The following MYRIP variants were observed in gnomAD, a reference collection of about 807,000 sequenced individuals.
MYRIP encodes the protein rab effector MyRIP.
MYRIP carries 49 observed loss-of-function variants against 98.0 expected under a neutral mutation model. The observed-to-expected ratio is 0.50, with a 90% confidence interval of 0.40 to 0.63. MYRIP has a LOEUF of 0.63. MYRIP is among the 30% of genes least tolerant of loss of function. MYRIP has a pLI of 0.00. For synonymous variants in MYRIP, 404 were observed against 409.5 expected (o/e 0.99, Z 0.16); for missense variants, 1,004 against 1,058.2 (o/e 0.95, Z 0.71).
intron 2 of MYRIP, among the ~76,000 whole-genome samples, chr3:39,912,162 C>T (rs1165483353): frequency 6.6e-6 from 1 of 152,148 alleles, no homozygotes; most frequent in Non-Finnish European, 1.5e-5. Context: ...GTCAGCTTCT[C>T]CTCTATCGGT....
intron 3 of MYRIP, among the ~76,000 whole-genome samples, chr3:40,045,563 G>A (rs968344292): frequency 6.6e-6 from 1 of 152,178 alleles, no homozygotes; most frequent in African/African-American, 2.4e-5. Flanking sequence ...AGTCAAGGTG[G>A]GGTAAGCCAA....
At chr3:39,971,929 T>C (rs1282591597) in intron 2 of MYRIP, among the ~76,000 whole-genome samples, 1 of 152,076 alleles carries the variant, frequency 6.6e-6, no homozygotes, top group Non-Finnish European at 1.5e-5. Context: ...TTCTAATATA[T>C]GTACTATTTC....
Position 40,131,046 on chromosome 3 carries a change from C to G in MYRIP, c.333-20002C>G, listed in dbSNP as rs533190179. ...AAATATGCCTGTATTGAACTAAACTCCATAAAGATGGATGGTCCATACAAA... is the reference window on the plus strand; with the variant it reads ...AAATATGCCTGTATTGAACTAAACTGCATAAAGATGGATGGTCCATACAAA... On this transcript the variant is annotated intron_variant, in intron 3 of 16. Transcript: ENST00000302541. Among the ~76,000 whole-genome samples the G allele has an allele frequency of 1.0e-3, 158 of 152,248 alleles. 1 individual carries two copies. The highest frequency in any genetic ancestry group is 1.8e-3 in the Non-Finnish European group (121 of 68,020).
Position 40,162,810 on chromosome 3 carries a change from G to A in MYRIP, c.550G>A (p.Gly184Arg), listed in dbSNP as rs151294099. The A allele has an allele frequency of 2.5e-6, 4 of 1,613,512 alleles. No homozygotes were observed. Among genetic ancestry groups the A allele is most frequent in the Non-Finnish European group, 2.5e-6 (3 of 1,179,624 alleles). The stretch of plus-strand genomic sequence containing the variant: ...TTCAACATTTTATAGGCAGTCAGAA[G>A]GTAAAGTTGCTTAAGAGTTTACAGC... ...SDSTFYRQSE[G>R]HSVMDTLAVA... is the part of the protein sequence containing the mutation. The change falls in exon 5 of 17, where the codon GGA becomes AGA. Residue 184 changes from glycine to arginine, a missense_variant and splice_region_variant. Transcript: ENST00000302541.
Position 39,872,119 on chromosome 3 carries a change from T to C in MYRIP, c.-30-28668T>C, listed in dbSNP as rs193175591. 4.6e-5 allele frequency among the ~76,000 whole-genome samples: 7 copies of C among 152,186 alleles called. No individual in the cohort carries two copies. In the East Asian group the frequency reaches 1.2e-3, roughly 25 times the overall value. On this transcript the variant is annotated intron_variant, in intron 1 of 16. Coordinates refer to ENST00000302541, the MANE Select transcript of MYRIP (RefSeq NM_015460.4). ...CTTTATTTTTAGAAATCATATTATT[T>C]TTCATTTGCTTTTTTCTCCTAATGT...
intron 3 of MYRIP, among the ~76,000 whole-genome samples, chr3:40,111,697 G>T (rs1034053619): frequency 6.6e-6 from 1 of 151,964 alleles, no homozygotes; most frequent in Admixed American, 6.6e-5. Context: ...CGATAAGATG[G>T]TTCAGCTTTT....
At chr3:39,951,042 A>G (rs1945001666) in intron 2 of MYRIP, among the ~76,000 whole-genome samples, 1 of 152,206 alleles carries the variant, frequency 6.6e-6, no homozygotes, top group African/African-American at 2.4e-5. Context: ...ACTCTGACTG[A>G]GAAACAGTGG....
At chr3:39,973,561 A>G (rs554730582) in intron 2 of MYRIP, among the ~76,000 whole-genome samples, 38 of 152,326 alleles carry the variant, frequency 2.5e-4, no homozygotes, top group African/African-American at 8.4e-4. Context: ...CCTAGTAGAC[A>G]TCTACAGAAC....
chr3:39,849,891 C>T (rs765852231), intron 1 of MYRIP, among the ~76,000 whole-genome samples: 24 of 152,122 alleles, frequency 1.6e-4, no homozygotes, highest in Admixed American at 1.3e-4. Context: ...GCTACCTGTT[C>T]CTAAAATGTC....
At chr3:40,080,948 G>A (rs1039700236) in intron 3 of MYRIP, among the ~76,000 whole-genome samples, 2 of 151,584 alleles carry the variant, frequency 1.3e-5, no homozygotes, top group African/African-American at 2.4e-5. Context: ...GTAACTAGAT[G>A]TAGTCTTTTT....
In MYRIP at chr3:39,912,804, CT is replaced by C. The variant is rs1944054064; in HGVS notation, c.110+11879del. On this transcript the variant is annotated intron_variant, in intron 2 of 16. Coordinates refer to ENST00000302541, the MANE Select transcript of MYRIP (RefSeq NM_015460.4). ...CCTGTAATCCCAGCACTTTGAGAGG[CT>C]GAGGCAGGCAGATCACCTGAGGTCA... 2.6e-5 allele frequency among the ~76,000 whole-genome samples: 4 copies of C among 152,334 alleles called. No individual in the cohort carries two copies. In the South Asian group the frequency reaches 8.3e-4, roughly 32 times the overall value.
At chr3:40,185,441 A>G (rs541609348) in intron 9 of MYRIP, among the ~76,000 whole-genome samples, 1 of 152,254 alleles carries the variant, frequency 6.6e-6, no homozygotes, top group South Asian at 2.1e-4. Flanking sequence ...ATAATGGAAG[A>G]GCAGGAATTT....
At chr3:40,112,345 C>T (rs1175667923) in intron 3 of MYRIP, among the ~76,000 whole-genome samples, 5 of 152,090 alleles carry the variant, frequency 3.3e-5, no homozygotes, top group Admixed American at 6.5e-5. Context: ...TAAGCACACA[C>T]GTTGGCCCTA....
At chr3:40,182,687 C>G (rs1950916077) in intron 9 of MYRIP, among the ~76,000 whole-genome samples, 1 of 152,206 alleles carries the variant, frequency 6.6e-6, no homozygotes, top group Non-Finnish European at 1.5e-5. Context: ...CATCACTCCA[C>G]TGCACACCCC....
chr3:39,885,925 G>C (rs7642898), intron 1 of MYRIP, among the ~76,000 whole-genome samples: 24,483 of 150,784 alleles, frequency 0.16, 3,776 homozygotes, highest in African/African-American at 0.4. Context: ...TTTTCAACTT[G>C]TTTGCCTTTG....
At chr3:39,824,815 A>T (rs1043484017) in intron 1 of MYRIP, among the ~76,000 whole-genome samples, 11 of 152,040 alleles carry the variant, frequency 7.2e-5, no homozygotes, top group Non-Finnish European at 1.6e-4. Flanking sequence ...TCCTGGGCTT[A>T]AGTGGTCTTC....
chr3:39,818,703 A>G (rs988929952), intron 1 of MYRIP, among the ~76,000 whole-genome samples: 10 of 152,190 alleles, frequency 6.6e-5, no homozygotes, highest in Non-Finnish European at 5.9e-5. Flanking sequence ...CTTGAAATTT[A>G]TTTATGCACA....
intron 2 of MYRIP, among the ~76,000 whole-genome samples, chr3:39,989,568 G>A (rs373220959): frequency 6.6e-6 from 1 of 152,222 alleles, no homozygotes; most frequent in Admixed American, 6.5e-5. Context: ...GCTTCACTGG[G>A]GGGAAACCCA....
At chr3:40,069,114 G>A (rs531701851) in intron 3 of MYRIP, among the ~76,000 whole-genome samples, 4 of 152,202 alleles carry the variant, frequency 2.6e-5, no homozygotes, top group Admixed American at 1.3e-4. Flanking sequence ...GGTACCCATG[G>A]GACAAAAGGA....
Sources: allele counts gnomAD v4.1 joint callset (sites outside exome capture counted in the v4.1 genomes callset), GRCh38; gene constraint gnomAD v4.1.1; transcripts MANE v1.5; gene names NCBI Gene and HGNC (gene_info 2026-07-23, HGNC 2026-07-21).